SPECC1: variants seen among roughly 807,000 people sequenced by gnomAD.
The protein encoded by SPECC1 is sperm antigen with calponin homology and coiled-coil domains 1.
A neutral mutation model predicts 104.1 loss-of-function variants in SPECC1; 62 were observed. The observed-to-expected ratio is 0.60, with a 90% confidence interval of 0.49 to 0.74. SPECC1 has a LOEUF of 0.74. Among genes scored for constraint, SPECC1 ranks in the 30% least tolerant of loss-of-function variants. The pLI is 0.00. For missense variants in SPECC1, 1,306 were observed against 1,310.5 expected (o/e 1.00, Z 0.05); for synonymous variants, 513 against 501.6 (o/e 1.02, Z -0.30).
Position 20,298,948 on chromosome 17 carries a change from A to AGAGAGAGAGAGAGAGAGAGG in SPECC1, c.3057+1872_3057+1873insAGAGAGAGAGAGAGAGAGGG. ...GAGAGAGAGAGAGAGAGAGAGAGAGAGTGTGTGTGTGTGTGTGTGTGTGTA... is the reference window on the plus strand; with the variant it reads ...GAGAGAGAGAGAGAGAGAGAGAGAGAGAGAGAGAGAGAGAGAGAGGGTGTGTGTGTGTGTGTGTGTGTGTA... On this transcript the variant is annotated intron_variant, in intron 13 of 14. Transcript: ENST00000395527. Among the ~76,000 whole-genome samples, 3 of 49,072 alleles carry AGAGAGAGAGAGAGAGAGAGG rather than the reference A, an allele frequency of 6.1e-5. 1 individual carries two copies. The highest frequency in any genetic ancestry group is 2.8e-4 in the African/African-American group (3 of 10,772). 32.2% of individuals were successfully genotyped at this position (49,072 alleles called of 152,430 possible).
chr17:20,050,446 C>A (rs902524203), intron 1 of SPECC1, among the ~76,000 whole-genome samples: 2 of 152,114 alleles, frequency 1.3e-5, no homozygotes, highest in African/African-American at 4.8e-5. Context: ...CAATATCAAA[C>A]CTTTTAAAAT....
At chr17:20,100,126 TC>T (rs1285360544) in intron 2 of SPECC1, among the ~76,000 whole-genome samples, 1 of 152,240 alleles carries the variant, frequency 6.6e-6, no homozygotes, top group Non-Finnish European at 1.5e-5. Context: ...AATAACTTTT[TC>T]TGCACTTGGT....
At chr17:20,247,639 T>G (rs2039474595) in intron 9 of SPECC1, among the ~76,000 whole-genome samples, 1 of 152,214 alleles carries the variant, frequency 6.6e-6, no homozygotes, top group Admixed American at 6.5e-5. Context: ...ATTTTAATAT[T>G]TGCAGAAACG....
At chr17:20,082,964 TCG>T (rs1267280159) in intron 1 of SPECC1, among the ~76,000 whole-genome samples, 9 of 42,998 alleles carry the variant, frequency 2.1e-4, no homozygotes, top group Admixed American at 2.7e-4. Context: ...TGGTGTTCGT[TCG>T]TTCGTTCGTT....
intron 12 of SPECC1, among the ~76,000 whole-genome samples, chr17:20,272,258 A>G (rs952694562): frequency 2.6e-5 from 4 of 151,198 alleles, no homozygotes; most frequent in African/African-American, 7.3e-5. Context: ...CCCTATTTCT[A>G]TCTCTTTGCA....
intron 10 of SPECC1, among the ~76,000 whole-genome samples, chr17:20,256,789 G>A (rs1375292590): frequency 6.6e-6 from 1 of 152,190 alleles, no homozygotes; most frequent in Non-Finnish European, 1.5e-5. Context: ...CTGAGACAGA[G>A]GATCATTAGG....
rs145703924 is a variant in SPECC1 at position 20,113,042 on chromosome 17, A to G, written c.283+2480A>G. On this transcript the variant is annotated intron_variant, in intron 3 of 14. Coordinates refer to ENST00000395527, the MANE Select transcript of SPECC1 (RefSeq NM_001243439.2). ...ACAAGATGAAAATGTTTTCCTTATC[A>G]CTTTTCTTTCTCCACCCGCTCAGTT... 994 of 789,586 alleles carry G rather than the reference A, an allele frequency of 1.3e-3. 6 individuals carry two copies. In the African/African-American group the frequency reaches 0.015, roughly 12 times the overall value. 48.9% of individuals were successfully genotyped at this position (789,586 alleles called of 1,614,324 possible). A position where few individuals can be genotyped will look rare whatever the true frequency, so the allele number is the denominator to read the frequency against.
In SPECC1 at chr17:20,044,282, G is replaced by A. The variant is rs1422509081; in HGVS notation, c.-22+34858G>A. Among the ~76,000 whole-genome samples, 3 of 152,166 alleles carry A rather than the reference G, an allele frequency of 2.0e-5. No homozygotes were observed. In the South Asian group the frequency reaches 6.2e-4, roughly 32 times the overall value. ...AAAAAAAGGCTATAACAAGATCTGA[G>A]GCTGTTCTTACGAGGTAGTGGTAAA... On this transcript the variant is annotated intron_variant, in intron 1 of 14. Transcript: ENST00000395527.
chr17:20,161,925 C>T (rs1416549554), intron 3 of SPECC1, among the ~76,000 whole-genome samples: 1 of 150,730 alleles, frequency 6.6e-6, no homozygotes, highest in African/African-American at 2.4e-5. Context: ...CTCTTGAGTA[C>T]CTGGGACTAC....
intron 9 of SPECC1, among the ~76,000 whole-genome samples, chr17:20,249,645 A>G (rs2039549740): frequency 6.6e-6 from 1 of 152,200 alleles, no homozygotes; most frequent in Admixed American, 6.5e-5. Flanking sequence ...TCTGTTAGAG[A>G]TTTTATGACT....
intron 1 of SPECC1, among the ~76,000 whole-genome samples, chr17:20,035,608 C>T (rs925732698): frequency 6.6e-6 from 1 of 151,542 alleles, no homozygotes; most frequent in Non-Finnish European, 1.5e-5. Context: ...CATAGAGATA[C>T]AATTTTTTTT....
intron 12 of SPECC1, among the ~76,000 whole-genome samples, chr17:20,281,136 T>TG (rs1208159080): frequency 6.6e-6 from 1 of 152,192 alleles, no homozygotes; most frequent in Non-Finnish European, 1.5e-5. Flanking sequence ...ATGGCGGCTT[T>TG]GGGTGAAACC....
At chr17:20,080,653 T>C (rs1320025312) in intron 1 of SPECC1, among the ~76,000 whole-genome samples, 4 of 151,730 alleles carry the variant, frequency 2.6e-5, no homozygotes, top group Non-Finnish European at 5.9e-5. Context: ...TTGTCTTGAG[T>C]CTAGGAGCTT....
chr17:20,283,074 C>T (rs1186118349), intron 12 of SPECC1, among the ~76,000 whole-genome samples: 1 of 152,108 alleles, frequency 6.6e-6, no homozygotes, highest in East Asian at 1.9e-4. Flanking sequence ...GTCCCAGCTA[C>T]TCTGGAGGCT....
rs545045797 is a variant in SPECC1 at position 20,111,109 on chromosome 17, T to C, written c.283+547T>C. On this transcript the variant is annotated intron_variant, in intron 3 of 14. Transcript: ENST00000395527. ...GGGTTTTTCAATCATTATATTTGAG[T>C]TCAGAGCATGTGAAACATGAAATAT... 4.6e-5 allele frequency among the ~76,000 whole-genome samples: 7 copies of C among 152,296 alleles called. No homozygotes were observed. In the East Asian group the frequency reaches 1.2e-3, roughly 25 times the overall value.
At chr17:20,265,742 T>G (rs2040195312) in intron 12 of SPECC1, among the ~76,000 whole-genome samples, 1 of 152,246 alleles carries the variant, frequency 6.6e-6, no homozygotes, top group South Asian at 2.1e-4. Flanking sequence ...TATTTAAATC[T>G]GTAATCCATT....
chr17:20,015,640 A>G (rs1287398729), intron 1 of SPECC1, among the ~76,000 whole-genome samples: 1 of 134,254 alleles, frequency 7.4e-6, no homozygotes, highest in African/African-American at 2.8e-5. Flanking sequence ...GCTGGAAGGC[A>G]ATGGCACTAT....
At chr17:20,193,078 G>C (rs757477158) in intron 3 of SPECC1, among the ~76,000 whole-genome samples, 1 of 152,190 alleles carries the variant, frequency 6.6e-6, no homozygotes, top group Non-Finnish European at 1.5e-5. Context: ...TGCTAAACAA[G>C]GGGTGGATTA....
chr17:20,224,716 C>G (rs2263175), intron 4 of SPECC1, among the ~76,000 whole-genome samples: 107,740 of 152,040 alleles, frequency 0.71, 39,974 homozygotes, highest in East Asian at 0.99. Context: ...TTCAGGTCCA[C>G]GGTGGGTCTA....
Sources: gnomAD v4.1 joint callset for allele counts (sites outside exome capture counted in the v4.1 genomes callset) on GRCh38, gnomAD v4.1.1 for gene constraint, MANE v1.5 for transcripts, NCBI Gene and HGNC (gene_info 2026-07-23, HGNC 2026-07-21) for gene names.